The following ZNF148 variants were observed in gnomAD, a reference collection of about 807,000 sequenced individuals.
The protein encoded by ZNF148 is zinc finger protein 148.
In ZNF148, 7 loss-of-function variants were observed where a neutral mutation model predicts 67.7. The ratio of observed to expected loss-of-function variants is 0.10; its 90% CI spans 0.06 to 0.19. The LOEUF is 0.19. Ranked by LOEUF, ZNF148 falls within the 10% of genes least tolerant of loss-of-function variation. ZNF148 has a pLI of 1.00. For missense variants in ZNF148, 583 were observed against 947.1 expected (o/e 0.62, Z 5.05); for synonymous variants, 333 against 330.7 (o/e 1.01, Z -0.08).
At chr3:125,293,477 G>C (rs1281559942) in intron 4 of ZNF148, among the ~76,000 whole-genome samples, 1 of 152,130 alleles carries the variant, frequency 6.6e-6, no homozygotes, top group Non-Finnish European at 1.5e-5. Context: ...AAAAGAACCA[G>C]AGTTCTCTGA....
intron 7 of ZNF148, among the ~76,000 whole-genome samples, chr3:125,236,792 C>T (rs1417390686): frequency 6.6e-6 from 1 of 152,156 alleles, no homozygotes; most frequent in Non-Finnish European, 1.5e-5. Context: ...AAGCTTGCCA[C>T]TCAAAATTAG....
At chr3:125,258,832 T>C (rs1220448341) in intron 7 of ZNF148, among the ~76,000 whole-genome samples, 2 of 152,154 alleles carry the variant, frequency 1.3e-5, no homozygotes, top group African/African-American at 4.8e-5. Flanking sequence ...TTCATAATGT[T>C]CTTTAAAATA....
intron 1 of ZNF148, among the ~76,000 whole-genome samples, chr3:125,339,837 A>G (rs1039914885): frequency 6.6e-6 from 1 of 152,222 alleles, no homozygotes; most frequent in Non-Finnish European, 1.5e-5. Context: ...CACAAAGCAC[A>G]TAATTATATA....
rs1214885017 is a variant in ZNF148, at chr3:125,233,319, C to T, written c.1407G>A (p.Gln469=). ...GAAGATACCGCTTCTTCTTCAAAAA[C>T]TGCATGGCATCATCATAATTAGTAC... The part of the protein sequence containing the change: ...HSSTNYDDAM[Q]FLKKKRYLQA... Residue 469 remains glutamine (Q), a synonymous_variant, in exon 9 of 9, where the codon CAG becomes CAA. Transcript: ENST00000360647. This position sits in a 1 kb window ranked among gnomAD's most constrained non-coding sequence, Gnocchi z 5.1. 6.2e-7 allele frequency: 1 copy of T among 1,613,896 alleles called. No individual in the cohort carries two copies. The highest frequency in any genetic ancestry group is 8.5e-7 in the Non-Finnish European group (1 of 1,179,932).
intron 1 of ZNF148, among the ~76,000 whole-genome samples, chr3:125,342,785 A>C (rs1941785115): frequency 6.6e-6 from 1 of 152,234 alleles, no homozygotes; most frequent in Non-Finnish European, 1.5e-5. Context: ...TGATGGAAAC[A>C]AAAGTTATAA....
At chr3:125,282,739 G>A (rs1053794257) in intron 5 of ZNF148, among the ~76,000 whole-genome samples, 1 of 152,000 alleles carries the variant, frequency 6.6e-6, no homozygotes, top group African/African-American at 2.4e-5. Context: ...ATATGGTAAA[G>A]GTTATCTTAA....
At chr3:125,314,068 T>A (rs958442665) in intron 3 of ZNF148, among the ~76,000 whole-genome samples, 1 of 151,944 alleles carries the variant, frequency 6.6e-6, no homozygotes, top group African/African-American at 2.4e-5. Flanking sequence ...AATTTAGAAA[T>A]AGTCATTAAG....
At chr3:125,289,085 A>G (rs1394760891) in intron 4 of ZNF148, among the ~76,000 whole-genome samples, 1 of 152,194 alleles carries the variant, frequency 6.6e-6, no homozygotes, top group Non-Finnish European at 1.5e-5. Context: ...TACATTTTCA[A>G]TCTATCCTTG....
At chr3:125,240,072 G>A (rs1252056376) in intron 7 of ZNF148, among the ~76,000 whole-genome samples, 1 of 152,112 alleles carries the variant, frequency 6.6e-6, no homozygotes. Flanking sequence ...AAATGGGTGG[G>A]TTTTCTGAAA....
intron 4 of ZNF148, among the ~76,000 whole-genome samples, chr3:125,309,859 CT>C (rs1940102082): frequency 6.6e-6 from 1 of 152,132 alleles, no homozygotes; most frequent in Non-Finnish European, 1.5e-5. Context: ...AATGCACATT[CT>C]TTTCAAGCTC....
chr3:125,344,995 A>G (rs969661023), intron 1 of ZNF148, among the ~76,000 whole-genome samples: 1 of 152,216 alleles, frequency 6.6e-6, no homozygotes, highest in Non-Finnish European at 1.5e-5. Context: ...TAAAAGCACA[A>G]GAATGGAAAG....
chr3:125,267,968 T>TGC (rs1937572029), intron 7 of ZNF148, among the ~76,000 whole-genome samples: 1 of 151,738 alleles, frequency 6.6e-6, no homozygotes, highest in Non-Finnish European at 1.5e-5. Flanking sequence ...TTACACTAGA[T>TGC]GCACACACAC....
At chr3:125,364,906 T>C (rs760782290) in intron 1 of ZNF148, among the ~76,000 whole-genome samples, 2 of 152,210 alleles carry the variant, frequency 1.3e-5, no homozygotes, top group African/African-American at 2.4e-5. Context: ...CCCTAAATTA[T>C]AGCTAATCTA....
At position 125,227,115 on chromosome 3, in the gene ZNF148, T is replaced by G. The variant is rs1935674260; in HGVS notation, c.*5226A>C. Reference sequence around the variant, plus strand: ...CCCCCTTTCCCTCGGAAATTTGCTCTAGCATTTTAGGAACTCTCAGTATTC... The same window carrying G: ...CCCCCTTTCCCTCGGAAATTTGCTCGAGCATTTTAGGAACTCTCAGTATTC... On this transcript the variant is annotated 3_prime_UTR_variant, in exon 9 of 9. Coordinates refer to ENST00000360647, the MANE Select transcript of ZNF148 (RefSeq NM_021964.3). 6.7e-6 allele frequency: 1 copy of G among 149,192 alleles called. No individual in the cohort carries two copies. The highest frequency in any genetic ancestry group is 1.5e-5 in the Non-Finnish European group (1 of 68,028). 9.2% of individuals were successfully genotyped at this position (149,192 alleles called of 1,614,324 possible).
At chr3:125,324,596 T>C (rs1940939238) in intron 2 of ZNF148, among the ~76,000 whole-genome samples, 2 of 152,228 alleles carry the variant, frequency 1.3e-5, no homozygotes, top group Non-Finnish European at 2.9e-5. Context: ...TCTTAAAATA[T>C]TAGATTCCTA....
At chr3:125,359,031 C>T (rs897717114) in intron 1 of ZNF148, among the ~76,000 whole-genome samples, 3 of 152,228 alleles carry the variant, frequency 2.0e-5, no homozygotes, top group African/African-American at 7.2e-5. Context: ...CCCACACAAT[C>T]CACCCAAATA....
chr3:125,275,735 G>GTTGA (rs1159159575), intron 7 of ZNF148, among the ~76,000 whole-genome samples: 2 of 152,174 alleles, frequency 1.3e-5, no homozygotes, highest in Non-Finnish European at 2.9e-5. Context: ...GTCTAGTGCA[G>GTTGA]TTGATTACAG....
chr3:125,349,037 A>G (rs1362507346), intron 1 of ZNF148, among the ~76,000 whole-genome samples: 1 of 152,246 alleles, frequency 6.6e-6, no homozygotes, highest in Non-Finnish European at 1.5e-5. Context: ...AGCTATATGA[A>G]AAAGAATTGA....
chr3:125,370,976 T>C (rs1180428724), intron 1 of ZNF148, among the ~76,000 whole-genome samples: 1 of 152,084 alleles, frequency 6.6e-6, no homozygotes, highest in Non-Finnish European at 1.5e-5. Context: ...CATCCTCCTC[T>C]TACCACATTT....
Sources: gnomAD v4.1 joint callset for allele counts (sites outside exome capture counted in the v4.1 genomes callset) on GRCh38, gnomAD v4.1.1 for gene constraint, Gnocchi (gnomAD v3.1) non-coding constraint, MANE v1.5 for transcripts, NCBI Gene and HGNC (gene_info 2026-07-23, HGNC 2026-07-21) for gene names.